The following UNC13C variants were observed in gnomAD, a reference collection of about 807,000 sequenced individuals.
UNC13C encodes protein unc-13 homolog C.
A neutral mutation model predicts 245.4 loss-of-function variants in UNC13C; 174 were observed. The ratio of observed to expected loss-of-function variants is 0.71; its 90% CI spans 0.63 to 0.80. UNC13C has a LOEUF of 0.80. Ranked by LOEUF, UNC13C falls within the 30% of genes least tolerant of loss-of-function variation. The pLI is 0.00. For synonymous variants in UNC13C, 992 were observed against 895.1 expected, an observed-to-expected ratio of 1.11 and a Z score of -1.93; for missense variants, 2,829 against 2,602.9, an observed-to-expected ratio of 1.09 and a Z score of -1.89.
In UNC13C at chr15:54,626,958, A is replaced by C. The variant is rs749496546; in HGVS notation, c.6490A>C (p.Ser2164Arg). Residue 2164 changes from serine (S) to arginine (R), a missense_variant, in exon 33 of 33, where the codon AGC becomes CGC. Physicochemically the swap from Ser to Arg is moderately radical, Grantham distance 110. Transcript: ENST00000260323. ...IQLQNIAEKG[S>R]YGAWYPLLKN... ...GCTACAGAACATAGCAGAAAAGGGAAGCTATGGGGCATGGTATCCTCTTCT... is the reference window on the plus strand; with the variant it reads ...GCTACAGAACATAGCAGAAAAGGGACGCTATGGGGCATGGTATCCTCTTCT... 1 of 1,613,526 alleles carries C rather than the reference A, an allele frequency of 6.2e-7. No homozygotes were observed. The highest frequency in any genetic ancestry group is 8.5e-7 in the Non-Finnish European group (1 of 1,179,628).
intron 17 of UNC13C, among the ~76,000 whole-genome samples, chr15:54,355,808 TAAAC>T (rs1393254514): frequency 1.3e-5 from 2 of 152,172 alleles, no homozygotes; most frequent in African/African-American, 4.8e-5. Flanking sequence ...CTCCTGGAAA[TAAAC>T]AATATTATCA....
intron 30 of UNC13C, among the ~76,000 whole-genome samples, chr15:54,589,634 A>C (rs960689590): frequency 4.0e-5 from 6 of 151,378 alleles, no homozygotes; most frequent in African/African-American, 1.5e-4. Flanking sequence ...TTGTCTAGTT[A>C]TGTCTTTAGC....
At chr15:54,355,879 T>C (rs1342752541) in intron 17 of UNC13C, among the ~76,000 whole-genome samples, 1 of 152,188 alleles carries the variant, frequency 6.6e-6, no homozygotes, top group East Asian at 1.9e-4. Context: ...ATATATGCTT[T>C]CCAAATATGA....
chr15:54,552,891 CTATATATATATT>C (rs1566905451), intron 28 of UNC13C, among the ~76,000 whole-genome samples: 3 of 1,022 alleles, frequency 2.9e-3, no homozygotes, highest in South Asian at 0.031. Flanking sequence ...TTCTATATTA[CTATATATATATT>C]AATATATAAT....
chr15:54,328,071 G>C (rs57216569), intron 14 of UNC13C, among the ~76,000 whole-genome samples: 1 of 151,898 alleles, frequency 6.6e-6, no homozygotes, highest in South Asian at 2.1e-4. Flanking sequence ...AAGGCTAAGC[G>C]TGTCTTGATC....
At position 54,097,223 on chromosome 15, in the gene UNC13C, T is replaced by C. The variant is rs945703057; in HGVS notation, c.2984-45795T>C. ...TTTGTCTAAGACAGTCACTGCTCCT[T>C]CTTTCAAGTTTACTTTGCATAATTG... On this transcript the variant is annotated intron_variant, in intron 2 of 32. Coordinates refer to ENST00000260323, the MANE Select transcript of UNC13C (RefSeq NM_001080534.3). Among the ~76,000 whole-genome samples the C allele has an allele frequency of 5.9e-5, 9 of 152,254 alleles. No individual in the cohort carries two copies. The East Asian group carries it at 1.7e-3, about 29-fold the overall frequency.
chr15:54,120,771 C>T (rs747781597), intron 2 of UNC13C, among the ~76,000 whole-genome samples: 10 of 151,660 alleles, frequency 6.6e-5, no homozygotes, highest in Non-Finnish European at 1.2e-4. Context: ...AAGTTGATTC[C>T]AACCCTCATG....
intron 19 of UNC13C, among the ~76,000 whole-genome samples, chr15:54,422,836 G>A (rs1204558843): frequency 6.6e-6 from 1 of 151,556 alleles, no homozygotes; most frequent in Non-Finnish European, 1.5e-5. Context: ...TATTTAGCCT[G>A]GTTATTTGTT....
rs1046255813 is a variant in UNC13C at position 54,628,289 on chromosome 15, T to C, written c.*1176T>C. On this transcript the variant is annotated 3_prime_UTR_variant, in exon 33 of 33. Transcript: ENST00000260323. ...ACTTTTTAGAGTCTATGCCAAAATATATGGCTGTAAAACAGTACTTTGTAA... is the reference window on the plus strand; with the variant it reads ...ACTTTTTAGAGTCTATGCCAAAATACATGGCTGTAAAACAGTACTTTGTAA... 2 of 152,232 alleles carry C rather than the reference T, an allele frequency of 1.3e-5. No homozygotes were observed. The highest frequency in any genetic ancestry group is 4.8e-5 in the African/African-American group (2 of 41,452). 9.4% of individuals were successfully genotyped at this position (152,232 alleles called of 1,614,324 possible). A position where few individuals can be genotyped will look rare whatever the true frequency, so the allele number is the denominator to read the frequency against.
At chr15:54,148,310 G>T (rs1241232244) in intron 4 of UNC13C, among the ~76,000 whole-genome samples, 1 of 152,130 alleles carries the variant, frequency 6.6e-6, no homozygotes, top group Non-Finnish European at 1.5e-5. Context: ...ATGTGAACAA[G>T]CCAGTTTTCA....
At chr15:54,611,003 C>T (rs1900063301) in intron 30 of UNC13C, among the ~76,000 whole-genome samples, 2 of 152,068 alleles carry the variant, frequency 1.3e-5, no homozygotes, top group African/African-American at 4.8e-5. Flanking sequence ...GGCATAACTT[C>T]GTGATGTAAT....
At chr15:54,564,197 G>T (rs1194894761) in intron 29 of UNC13C, among the ~76,000 whole-genome samples, 1 of 151,754 alleles carries the variant, frequency 6.6e-6, no homozygotes, top group Non-Finnish European at 1.5e-5. Context: ...TTCTGTCTCG[G>T]GACATTTCAT....
At chr15:54,004,117 A>AT (rs1895031763) in intron 1 of UNC13C, among the ~76,000 whole-genome samples, 2 of 152,186 alleles carry the variant, frequency 1.3e-5, no homozygotes, top group African/African-American at 4.8e-5. Context: ...CATTATTTCT[A>AT]TTTTTTGTAC....
At position 54,558,431 on chromosome 15, in the gene UNC13C, G is replaced by T. The variant is rs116344549; in HGVS notation, c.5958+2919G>T. 3.4e-3 allele frequency among the ~76,000 whole-genome samples: 515 copies of T among 152,074 alleles called. 7 individuals carry two copies. Among genetic ancestry groups the T allele is most frequent in the African/African-American group, 0.012 (484 of 41,514 alleles). On this transcript the variant is annotated intron_variant, in intron 29 of 32. Transcript: ENST00000260323. ...CATTTTTTCAATCAGTATGTACGAA[G>T]TTTAAGTAAAATGTAGCAGGCTAAA...
intron 7 of UNC13C, among the ~76,000 whole-genome samples, chr15:54,249,141 G>T (rs74013547): frequency 6.6e-6 from 1 of 152,068 alleles, no homozygotes; most frequent in Non-Finnish European, 1.5e-5. Context: ...CTCTCAGGAA[G>T]TCACCTGCTT....
At chr15:54,421,278 G>T (rs556577893) in intron 19 of UNC13C, among the ~76,000 whole-genome samples, 2 of 151,414 alleles carry the variant, frequency 1.3e-5, no homozygotes, top group African/African-American at 4.8e-5. Flanking sequence ...CATTTTGGTG[G>T]CCTTCTTGGA....
the UNC13C span, among the ~76,000 whole-genome samples, chr15:53,890,803 T>TA: frequency 6.6e-6 from 1 of 151,990 alleles, no homozygotes; most frequent in African/African-American, 2.4e-5. Flanking sequence ...TTTGACCTTT[T>TA]AAAAAAACCA....
intron 17 of UNC13C, among the ~76,000 whole-genome samples, chr15:54,366,505 T>C (rs2039369330): frequency 6.6e-6 from 1 of 152,210 alleles, no homozygotes; most frequent in African/African-American, 2.4e-5. Context: ...CATCCATCGA[T>C]ATGTAGTACA....
intron 8 of UNC13C, among the ~76,000 whole-genome samples, chr15:54,261,225 G>GC (rs2036415474): frequency 6.6e-6 from 1 of 152,114 alleles, no homozygotes; most frequent in African/African-American, 2.4e-5. Flanking sequence ...CACACGCTTT[G>GC]AAGAAAGACT....
Sources: allele counts gnomAD v4.1 joint callset (sites outside exome capture counted in the v4.1 genomes callset), GRCh38; gene constraint gnomAD v4.1.1; transcripts MANE v1.5; gene names NCBI Gene and HGNC (gene_info 2026-07-23, HGNC 2026-07-21).